The following PITPNA variants were observed in gnomAD, a reference collection of about 807,000 sequenced individuals.
PITPNA encodes the protein phosphatidylinositol transfer protein alpha.
PITPNA carries 13 observed loss-of-function variants against 50.3 expected under a neutral mutation model. The observed-to-expected ratio is 0.26, with a 90% CI of 0.17 to 0.41. PITPNA has a LOEUF of 0.41. PITPNA is among the 10% of genes least tolerant of loss of function. The probability of loss-of-function intolerance (pLI) is 1.00; values close to 1 mark genes in which losing one functional copy is unlikely to be tolerated. For synonymous variants in PITPNA, 120 were observed against 119.6 expected, an observed-to-expected ratio of 1.00 and a Z score of -0.02; for missense variants, 207 against 333.4, an observed-to-expected ratio of 0.62 and a Z score of 2.95.
intron 9 of PITPNA, among the ~76,000 whole-genome samples, chr17:1,534,450 GC>G (rs2151005735): frequency 6.6e-6 from 1 of 152,250 alleles, no homozygotes; most frequent in African/African-American, 2.4e-5. Context: ...AAAGAAGGAT[GC>G]CTACCTCACA....
At position 1,552,980 on chromosome 17, in the gene PITPNA, G is replaced by A. The variant is rs199571150; in HGVS notation, c.197+24C>T. 3,792 of 1,611,124 alleles carry A rather than the reference G, an allele frequency of 2.4e-3. 8 individuals carry two copies. Among genetic ancestry groups the A allele is most frequent in the Non-Finnish European group, 3.0e-3 (3,529 of 1,177,816 alleles). ...CACACACACACAAAAGCCAGCATCC[G>A]GCCCCGCTGCTCATGCCGCATACCT... On this transcript the variant is annotated intron_variant, in intron 3 of 11. Transcript: ENST00000313486.
Position 1,535,449 on chromosome 17 carries a change from T to C in PITPNA, c.526A>G (p.Asn176Asp), listed in dbSNP as rs1567579452. ...GAAGGTGTGAATGGTACCTTCCAAT[T>C]GGGGCCCAAGGGTCCTCGGCCTGTT... ...IKTGRGPLGP[N>D]WKQELVNQKD... The change falls in exon 8 of 12, where the codon AAT (asparagine) becomes GAT (aspartate). Residue 176 changes from asparagine (N) to aspartate (D), a missense_variant. Physicochemically the swap from Asn to Asp is conservative, Grantham distance 23 (BLOSUM62 1). Transcript: ENST00000313486. 1 of 1,612,682 alleles carries C rather than the reference T, an allele frequency of 6.2e-7. No homozygotes were observed. Among genetic ancestry groups the C allele is most frequent in the Non-Finnish European group, 8.5e-7 (1 of 1,178,724 alleles).
Position 1,551,960 on chromosome 17 carries a change from C to A in PITPNA, c.197+1044G>T, listed in dbSNP as rs1053090653. Among the ~76,000 whole-genome samples, 4 of 130,284 alleles carry A rather than the reference C, an allele frequency of 3.1e-5. No individual in the cohort carries two copies. In the South Asian group the frequency reaches 6.9e-4, roughly 22 times the overall value. 85.5% of individuals were successfully genotyped at this position (130,284 alleles called of 152,430 possible). On this transcript the variant is annotated intron_variant, in intron 3 of 11. Coordinates refer to ENST00000313486, the MANE Select transcript of PITPNA (RefSeq NM_006224.4). ...TCTCCTCGCACCCCGGTACTGAGGT[C>A]CTGGACCCTCTGGCGAGGAGACTGG...
intron 10 of PITPNA, among the ~76,000 whole-genome samples, chr17:1,529,985 C>T (rs1598404728): frequency 6.6e-6 from 1 of 152,240 alleles, no homozygotes; most frequent in East Asian, 1.9e-4. Flanking sequence ...TATAAAACGT[C>T]CTCAACTTCT....
intron 1 of PITPNA, chr17:1,559,549 C>G (rs891269322): frequency 6.5e-6 from 1 of 153,582 alleles, no homozygotes; most frequent in Non-Finnish European, 1.4e-5. Context: ...ACGTTCGGTC[C>G]CCAGACCCTT....
intron 10 of PITPNA, among the ~76,000 whole-genome samples, chr17:1,525,761 G>A (rs572971655): frequency 8.9e-4 from 135 of 152,194 alleles, no homozygotes; most frequent in African/African-American, 3.0e-3. Flanking sequence ...CAGGTGATCC[G>A]CCTGCCTTGG....
chr17:1,537,741 G>A (rs9303183), intron 7 of PITPNA, among the ~76,000 whole-genome samples: 84,682 of 152,068 alleles, frequency 0.56, 23,886 homozygotes, highest in East Asian at 0.68. Context: ...TTGGGATATT[G>A]GGCAAGGAAG....
chr17:1,534,162 C>G lies in PITPNA; in HGVS notation c.705G>C (p.Trp235Cys). ...HRQLFCWLDK[W>C]VDLTMDDIRR... The stretch of plus-strand genomic sequence containing the variant: ...GAATGTCGTCCATGGTCAGGTCAAC[C>G]CACTTATCGAGCCAACAGAACAGCT... Residue 235 changes from tryptophan to cysteine, a missense_variant, in exon 10 of 12, where the codon TGG (tryptophan) becomes TGC (cysteine). Coordinates refer to ENST00000313486, the MANE Select transcript of PITPNA (RefSeq NM_006224.4). The G allele has an allele frequency of 6.2e-7, 1 of 1,613,910 alleles. No individual in the cohort carries two copies. Among genetic ancestry groups the G allele is most frequent in the Non-Finnish European group, 8.5e-7 (1 of 1,179,852 alleles).
chr17:1,558,769 A>ACCCCCCCCCCCCCCCCCC (rs147366133), intron 1 of PITPNA, among the ~76,000 whole-genome samples: 23 of 22,692 alleles, frequency 1.0e-3, no homozygotes, highest in African/African-American at 2.2e-3. Context: ...CTGTGACAAC[A>ACCCCCCCCCCCCCCCCCC]CCCCCCCCCC....
intron 4 of PITPNA, among the ~76,000 whole-genome samples, chr17:1,543,716 A>C (rs1342322411): frequency 6.6e-6 from 1 of 152,180 alleles, no homozygotes; most frequent in African/African-American, 2.4e-5. Flanking sequence ...ACTGAAGTTA[A>C]GGTGACCCCG....
At chr17:1,530,441 G>A (rs542091268) in intron 10 of PITPNA, among the ~76,000 whole-genome samples, 8 of 152,254 alleles carry the variant, frequency 5.3e-5, no homozygotes, top group African/African-American at 1.9e-4. Context: ...CTAATCTCTC[G>A]ATGCCTTGCT....
At chr17:1,559,775 G>A (rs1438166680) in intron 1 of PITPNA, 3 of 985,154 alleles carry the variant, frequency 3.0e-6, no homozygotes, top group East Asian at 1.1e-4. Context: ...AAGACACCAA[G>A]CAGGAAAGTA....
chr17:1,534,011 T>C, intron 10 of PITPNA, 88 bp downstream of exon 10: 3 of 1,472,026 alleles, frequency 2.0e-6, no homozygotes, highest in Non-Finnish European at 2.8e-6. Flanking sequence ...AACTACAGGA[T>C]GGTGCTCTCG....
At chr17:1,534,989 C>A (rs964681411) in intron 9 of PITPNA, among the ~76,000 whole-genome samples, 193 bp downstream of exon 9, 8 of 152,166 alleles carry the variant, frequency 5.3e-5, no homozygotes, top group East Asian at 1.9e-4. Context: ...ACCGCACACA[C>A]ACGCAGTCAC....
At chr17:1,549,471 C>A (rs2075696788) in intron 3 of PITPNA, among the ~76,000 whole-genome samples, 1 of 151,222 alleles carries the variant, frequency 6.6e-6, no homozygotes, top group Non-Finnish European at 1.5e-5. Flanking sequence ...TTCCCGCCAC[C>A]ACGCCCGGCT....
chr17:1,558,230 C>CAAAAA (rs11427981), intron 2 of PITPNA, among the ~76,000 whole-genome samples: 8 of 104,206 alleles, frequency 7.7e-5, no homozygotes, highest in African/African-American at 1.9e-4. Context: ...GACTCCGTCT[C>CAAAAA]AAAAAAAAAA....
chr17:1,539,743 G>A (rs936003392), intron 6 of PITPNA, among the ~76,000 whole-genome samples: 2 of 152,236 alleles, frequency 1.3e-5, no homozygotes, highest in Non-Finnish European at 2.9e-5. Context: ...CAGCTGGATT[G>A]TCTGTTTGTC....
intron 7 of PITPNA, among the ~76,000 whole-genome samples, chr17:1,537,114 G>A (rs2151007020): frequency 6.7e-6 from 1 of 150,280 alleles, no homozygotes; most frequent in East Asian, 2.0e-4. Flanking sequence ...TGCCCAGGCT[G>A]GTGCAAAGGC....
chr17:1,535,563 G>T, intron 7 of PITPNA, 45 bp from the exon 8 acceptor site: 1 of 1,206,150 alleles, frequency 8.3e-7, no homozygotes, highest in African/African-American at 1.5e-5. Flanking sequence ...GTGGGAGAGG[G>T]AGTGAGAGAT....
Sources: gnomAD v4.1 joint callset for allele counts (sites outside exome capture counted in the v4.1 genomes callset) on GRCh38, gnomAD v4.1.1 for gene constraint, MANE v1.5 for transcripts, NCBI Gene and HGNC (gene_info 2026-07-23, HGNC 2026-07-21) for gene names.